AGBL1: variants seen among roughly 807,000 people sequenced by gnomAD.
AGBL1 encodes cytosolic carboxypeptidase 4.
AGBL1 carries 130 observed loss-of-function variants against 118.9 expected under a neutral mutation model. The observed-to-expected ratio is 1.09, with a 90% CI of 0.95 to 1.26. The LOEUF is 1.26. Among genes scored for constraint, AGBL1 ranks in the 50% most tolerant of loss-of-function variants. The pLI is 0.00. For missense variants in AGBL1, 1,584 were observed against 1,298.1 expected, an observed-to-expected ratio of 1.22 and a Z score of -3.38; for synonymous variants, 555 against 478.9, an observed-to-expected ratio of 1.16 and a Z score of -2.08.
intron 18 of AGBL1, among the ~76,000 whole-genome samples, chr15:86,468,300 T>C (rs959027338): frequency 8.5e-5 from 13 of 152,208 alleles, no homozygotes; most frequent in African/African-American, 2.9e-4. Flanking sequence ...AGGTCTGTCT[T>C]TGAGAACGGA....
chr15:86,863,227 T>C (rs766200805), intron 22 of AGBL1, among the ~76,000 whole-genome samples: 4 of 152,204 alleles, frequency 2.6e-5, no homozygotes, highest in Non-Finnish European at 5.9e-5. Flanking sequence ...GGATAAATGA[T>C]TCCTATAAAT....
chr15:86,458,416 C>A (rs930131122), intron 18 of AGBL1, among the ~76,000 whole-genome samples: 1 of 152,020 alleles, frequency 6.6e-6, no homozygotes, highest in Non-Finnish European at 1.5e-5. Context: ...CTCTCTTTAC[C>A]AAGTGACAGA....
At chr15:86,836,601 T>C (rs1232785671) in intron 22 of AGBL1, among the ~76,000 whole-genome samples, 1 of 152,100 alleles carries the variant, frequency 6.6e-6, no homozygotes, top group Non-Finnish European at 1.5e-5. Context: ...AGCCATACAA[T>C]ACCTCCCCTT....
At chr15:86,744,544 C>G (rs572645985) in intron 22 of AGBL1, among the ~76,000 whole-genome samples, 2 of 152,134 alleles carry the variant, frequency 1.3e-5, no homozygotes, top group East Asian at 3.9e-4. Context: ...CAGTGGAGTC[C>G]AAGACCATCA....
At chr15:86,306,855 A>G (rs1597712046) in intron 17 of AGBL1, among the ~76,000 whole-genome samples, 3 of 152,160 alleles carry the variant, frequency 2.0e-5, no homozygotes, top group Admixed American at 2.0e-4. Context: ...GATAAAAGCC[A>G]TTTTAACTGT....
At chr15:86,097,835 A>C (rs1189264860) in intron 1 of AGBL1, among the ~76,000 whole-genome samples, 1 of 152,118 alleles carries the variant, frequency 6.6e-6, no homozygotes, top group East Asian at 1.9e-4. Context: ...ATAAATACTC[A>C]GTGGTAGAAT....
downstream of AGBL1, among the ~76,000 whole-genome samples, chr15:86,917,728 A>G (rs1006521820): frequency 7.2e-5 from 11 of 152,016 alleles, no homozygotes; most frequent in African/African-American, 2.7e-4. The surrounding 1 kb of genome is among the most constrained non-coding windows in gnomAD (Gnocchi z 4.8). Flanking sequence ...TGTGCATTAG[A>G]TGGTACCAAA....
chr15:86,258,813 T>G (rs1383152101), intron 9 of AGBL1, among the ~76,000 whole-genome samples: 1 of 152,108 alleles, frequency 6.6e-6, no homozygotes, highest in Non-Finnish European at 1.5e-5. Context: ...TCCAAGCAAT[T>G]TACCAACTTC....
chr15:86,831,860 A>G lies in AGBL1; in HGVS notation c.3159-75227A>G, dbSNP rs905996251. ...GCACCCCACATCTCCCTTTTGCACT[A>G]CCCTAGCAGAGGTTCTCCATGAGGA... On this transcript the variant is annotated intron_variant, in intron 22 of 22. Coordinates refer to ENST00000614907, the MANE Select transcript of AGBL1 (RefSeq NM_001386094.1). 2.6e-5 allele frequency among the ~76,000 whole-genome samples: 4 copies of G among 151,982 alleles called. No individual in the cohort carries two copies. The East Asian group carries it at 7.7e-4, about 29-fold the overall frequency.
At chr15:86,516,327 G>T (rs1033244130) in intron 18 of AGBL1, among the ~76,000 whole-genome samples, 2 of 152,192 alleles carry the variant, frequency 1.3e-5, no homozygotes, top group Non-Finnish European at 2.9e-5. Context: ...GGAAGGTTGT[G>T]CAGTTCCCAG....
chr15:86,089,824 G>C (rs1218688931), intron 1 of AGBL1, among the ~76,000 whole-genome samples: 1 of 152,012 alleles, frequency 6.6e-6, no homozygotes, highest in African/African-American at 2.4e-5. Context: ...TTTAGATTAA[G>C]AGGACACTAT....
chr15:86,840,354 A>G (rs564378471), intron 22 of AGBL1, among the ~76,000 whole-genome samples: 1 of 152,194 alleles, frequency 6.6e-6, no homozygotes, highest in Non-Finnish European at 1.5e-5. Flanking sequence ...TATTGCTCCA[A>G]GATGACACTG....
intron 18 of AGBL1, among the ~76,000 whole-genome samples, chr15:86,427,567 AAAAG>A (rs983671384): frequency 1.8e-4 from 27 of 152,072 alleles, no homozygotes; most frequent in African/African-American, 6.3e-4. Context: ...CAAAAAAAAA[AAAAG>A]GACACCTATT....
chr15:86,999,055 T>C (rs2081407724), intron 24 of AGBL1, among the ~76,000 whole-genome samples: 1 of 151,122 alleles, frequency 6.6e-6, no homozygotes, highest in African/African-American at 2.4e-5. Flanking sequence ...CCTTCCTGTG[T>C]CCAAGTGTGC....
intron 17 of AGBL1, among the ~76,000 whole-genome samples, chr15:86,354,266 C>G (rs1007371176): frequency 2.6e-5 from 4 of 152,170 alleles, no homozygotes; most frequent in African/African-American, 9.7e-5. Flanking sequence ...GATTATTAGG[C>G]AAATATAAGT....
chr15:86,678,620 T>G (rs895262421), intron 22 of AGBL1, among the ~76,000 whole-genome samples: 15 of 152,252 alleles, frequency 9.9e-5, no homozygotes, highest in Non-Finnish European at 2.2e-4. Context: ...ATATGGTTTA[T>G]TGACATTGAA....
At chr15:86,208,888 C>T (rs752124046) in intron 5 of AGBL1, among the ~76,000 whole-genome samples, 5 of 151,084 alleles carry the variant, frequency 3.3e-5, no homozygotes, top group Admixed American at 1.3e-4. Context: ...CTCTTCTCTA[C>T]TTCTTTTAAT....
chr15:86,596,287 C>T (rs916544044), intron 21 of AGBL1, among the ~76,000 whole-genome samples: 1 of 152,100 alleles, frequency 6.6e-6, no homozygotes, highest in Non-Finnish European at 1.5e-5. Context: ...CACCCCCTCC[C>T]ATATCCTCTT....
chr15:86,462,906 T>A (rs541976106), intron 18 of AGBL1, among the ~76,000 whole-genome samples: 17 of 152,336 alleles, frequency 1.1e-4, no homozygotes, highest in African/African-American at 4.1e-4. Flanking sequence ...TAAACATACA[T>A]GTGCATGTGT....
Sources: gnomAD v4.1 joint callset for allele counts (sites outside exome capture counted in the v4.1 genomes callset) on GRCh38, gnomAD v4.1.1 for gene constraint, Gnocchi (gnomAD v3.1) non-coding constraint, MANE v1.5 for transcripts, NCBI Gene and HGNC (gene_info 2026-07-23, HGNC 2026-07-21) for gene names.